TTLL6: variants seen among roughly 807,000 people sequenced by gnomAD.
The protein encoded by TTLL6 is tubulin polyglutamylase TTLL6.
Under a neutral mutation model 96.4 loss-of-function variants are expected in TTLL6, and 75 were observed. That is an observed-to-expected ratio of 0.78 (90% CI 0.65 to 0.94). TTLL6 has a LOEUF of 0.94. Among genes scored for constraint, TTLL6 ranks in the 40% least tolerant of loss-of-function variants. TTLL6 has a pLI of 0.00. For synonymous variants in TTLL6, 411 were observed against 419.4 expected (o/e 0.98, Z 0.24); for missense variants, 1,030 against 1,093.0 (o/e 0.94, Z 0.81).
rs1567734654 is a variant in TTLL6, at chr17:48,803,851, GT to G, written c.361+39del. ...CTTCCCAACCCTTTGGGAGAATCCA[GT>G]GGGTCCCCATTATAGATCTCCTGAA... is the stretch of plus-strand genomic sequence containing the variant. On this transcript the variant is annotated intron_variant, in intron 3 of 15. Transcript: ENST00000393382. The G allele has an allele frequency of 1.9e-6, 3 of 1,549,628 alleles. No homozygotes were observed. The East Asian group carries it at 7.3e-5, about 38-fold the overall frequency.
At chr17:48,791,268 G>A (rs1056224440) in intron 9 of TTLL6, 110 bp downstream of exon 9, 17 of 924,414 alleles carry the variant, frequency 1.8e-5, no homozygotes, top group Non-Finnish European at 2.7e-5. Context: ...ATGGGAGGAA[G>A]TGGCCTGGGA....
At chr17:48,796,248 A>G (rs964797152) in intron 7 of TTLL6, 102 bp from the exon 8 acceptor site, 4 of 899,230 alleles carry the variant, frequency 4.4e-6, no homozygotes, top group Non-Finnish European at 6.8e-6. Flanking sequence ...AGGGATGGAA[A>G]GAAAGGGAAG....
intron 1 of TTLL6, among the ~76,000 whole-genome samples, chr17:48,814,318 C>CAAAAAAA (rs398030988): frequency 3.8e-5 from 2 of 52,850 alleles, no homozygotes; most frequent in Admixed American, 2.6e-4. Flanking sequence ...GACAGTGTCT[C>CAAAAAAA]AAAAAAAAAA....
chr17:48,782,800 G>A (rs1052782439), intron 13 of TTLL6, among the ~76,000 whole-genome samples: 23 of 151,688 alleles, frequency 1.5e-4, no homozygotes, highest in Non-Finnish European at 3.1e-4. Context: ...TGCAACCTCC[G>A]CCTCCTGGGT....
rs577467758 is a variant in TTLL6, at chr17:48,792,012, G to A, written c.999-409C>T. Among the ~76,000 whole-genome samples, 8 of 152,288 alleles carry A rather than the reference G, an allele frequency of 5.3e-5. No homozygotes were observed. In the East Asian group the frequency reaches 1.5e-3, roughly 29 times the overall value. ...TGGGCAGCCTTTTAAGAACACTGAT[G>A]CCTGGGTCCCACCTCAGCCATCTGA... On this transcript the variant is annotated intron_variant, in intron 8 of 15. Coordinates refer to ENST00000393382, the MANE Select transcript of TTLL6 (RefSeq NM_001130918.3).
chr17:48,797,114 C>G lies in TTLL6; in HGVS notation c.859G>C (p.Gly287Arg). 6.4e-7 allele frequency: 1 copy of G among 1,551,528 alleles called. No homozygotes were observed. The highest frequency in any genetic ancestry group is 8.7e-7 in the Non-Finnish European group (1 of 1,146,974). ...GAGGTCGTCGCAAAGCGGGCCAGTC[C>G]TTCATTGTACACAAAAATCCTGAGA... ...DPLRIFVYNE[G>R]LARFATTSYS... The change falls in exon 7 of 16, where the codon GGA becomes CGA. Residue 287 changes from glycine to arginine, a missense_variant. Coordinates refer to ENST00000393382, the MANE Select transcript of TTLL6 (RefSeq NM_001130918.3).
At chr17:48,766,328 C>T (rs2038604133) in intron 15 of TTLL6, among the ~76,000 whole-genome samples, 1 of 152,204 alleles carries the variant, frequency 6.6e-6, no homozygotes, top group Non-Finnish European at 1.5e-5. Flanking sequence ...GTCCATGCCA[C>T]TAGAGACTCT....
At chr17:48,795,523 C>T (rs761916334) in intron 8 of TTLL6, among the ~76,000 whole-genome samples, 1 of 152,088 alleles carries the variant, frequency 6.6e-6, no homozygotes, top group African/African-American at 2.4e-5. Context: ...TAGACAATAA[C>T]AGGAATGGAA....
Position 48,774,473 on chromosome 17 carries a change from G to GT in TTLL6, c.2041-4377dup, listed in dbSNP as rs761966491. On this transcript the variant is annotated intron_variant, in intron 13 of 15. Transcript: ENST00000393382. ...GCCACTATGCCCGGCCCAAAATCTA[G>GT]TTTTTTTTTAAAAGGTCAATAAAAT... is the stretch of plus-strand genomic sequence containing the variant. Among the ~76,000 whole-genome samples, 307 of 150,554 alleles carry GT rather than the reference G, an allele frequency of 2.0e-3. 1 individual carries two copies. Among genetic ancestry groups the GT allele is most frequent in the African/African-American group, 7.0e-3 (288 of 41,050 alleles).
chr17:48,807,481 T>C (rs2039521294), intron 1 of TTLL6, among the ~76,000 whole-genome samples: 1 of 152,162 alleles, frequency 6.6e-6, no homozygotes, highest in South Asian at 2.1e-4. Flanking sequence ...ATAAACAGCC[T>C]TTTCACTGTG....
chr17:48,810,739 G>GTA (rs1362317449), intron 1 of TTLL6, among the ~76,000 whole-genome samples: 86 of 135,812 alleles, frequency 6.3e-4, no homozygotes, highest in African/African-American at 2.1e-3. Flanking sequence ...TAGTATGTGT[G>GTA]TATATATATA....
intron 6 of TTLL6, among the ~76,000 whole-genome samples, chr17:48,799,248 T>A (rs1444559075): frequency 6.6e-6 from 1 of 152,224 alleles, no homozygotes; most frequent in Non-Finnish European, 1.5e-5. Context: ...CAGTGGGCTG[T>A]GACCTATGAC....
At chr17:48,794,075 A>T in intron 8 of TTLL6, 1 of 1,442,324 alleles carries the variant, frequency 6.9e-7, no homozygotes, top group Non-Finnish European at 9.4e-7. Context: ...GGCGGAGGCC[A>T]CGGGGGCACA....
chr17:48,811,183 C>T (rs1477438727), intron 1 of TTLL6, among the ~76,000 whole-genome samples: 1 of 150,622 alleles, frequency 6.6e-6, no homozygotes, highest in Non-Finnish European at 1.5e-5. Flanking sequence ...ATTCTGTTGC[C>T]TCAGCCTCCC....
intron 15 of TTLL6, among the ~76,000 whole-genome samples, chr17:48,763,581 G>A (rs892211412): frequency 2.0e-5 from 3 of 152,168 alleles, no homozygotes; most frequent in Non-Finnish European, 4.4e-5. Flanking sequence ...TGGATCACTT[G>A]AGGTCAAGAA....
intron 1 of TTLL6, among the ~76,000 whole-genome samples, chr17:48,816,132 T>C (rs117435430): frequency 1.3e-5 from 2 of 152,196 alleles, no homozygotes; most frequent in Non-Finnish European, 2.9e-5. Context: ...TGGTTCAAAA[T>C]AAAGGCTATA....
At chr17:48,816,897 A>G in intron 1 of TTLL6, 73 bp downstream of exon 1, 4 of 1,191,488 alleles carry the variant, frequency 3.4e-6, no homozygotes, top group Non-Finnish European at 4.6e-6. Flanking sequence ...AGACGTGTCT[A>G]GCCAGGTTTT....
rs548899575 is a variant in TTLL6 at position 48,776,321 on chromosome 17, T to A, written c.2041-6224A>T. 1.5e-4 allele frequency among the ~76,000 whole-genome samples: 23 copies of A among 152,032 alleles called. No homozygotes were observed. The East Asian group carries it at 4.3e-3, about 28-fold the overall frequency. On this transcript the variant is annotated intron_variant, in intron 13 of 15. Coordinates refer to ENST00000393382, the MANE Select transcript of TTLL6 (RefSeq NM_001130918.3). ...CTCTACTAAAATAAAATAAAAAAATTAGCCAGGTGTGCGCCTGTAGTCCCA... is the reference window on the plus strand; with the variant it reads ...CTCTACTAAAATAAAATAAAAAAATAAGCCAGGTGTGCGCCTGTAGTCCCA...
chr17:48,779,235 A>G (rs2038939767), intron 13 of TTLL6, among the ~76,000 whole-genome samples: 1 of 150,868 alleles, frequency 6.6e-6, no homozygotes, highest in Admixed American at 6.6e-5. Flanking sequence ...AGTGGTTCAA[A>G]TTTAAAAGAC....
Sources: allele counts gnomAD v4.1 joint callset (sites outside exome capture counted in the v4.1 genomes callset), GRCh38; gene constraint gnomAD v4.1.1; transcripts MANE v1.5; gene names NCBI Gene and HGNC (gene_info 2026-07-23, HGNC 2026-07-21).